Variants in PTK7 observed in about 807,000 individuals in gnomAD.
PTK7 encodes the protein inactive tyrosine-protein kinase 7.
A neutral mutation model predicts 116.6 loss-of-function variants in PTK7; 39 were observed. That is an observed-to-expected ratio of 0.33 (90% CI 0.26 to 0.44). The LOEUF (loss-of-function observed/expected upper bound fraction) is 0.44, where lower values mean the gene tolerates loss of function less well. Ranked by LOEUF, PTK7 falls within the 20% of genes least tolerant of loss-of-function variation. The pLI is 1.00. For synonymous variants in PTK7, 546 were observed against 563.6 expected, an observed-to-expected ratio of 0.97 and a Z score of 0.44; for missense variants, 1,169 against 1,425.6, an observed-to-expected ratio of 0.82 and a Z score of 2.90.
intron 1 of PTK7, among the ~76,000 whole-genome samples, chr6:43,090,516 A>G (rs1317259174): frequency 6.6e-6 from 1 of 152,180 alleles, no homozygotes; most frequent in Non-Finnish European, 1.5e-5. Context: ...GAGGGACCCC[A>G]GCAGGTTTGG....
chr6:43,094,572 C>T (rs1767135192), intron 1 of PTK7, among the ~76,000 whole-genome samples: 3 of 151,620 alleles, frequency 2.0e-5, no homozygotes, highest in Admixed American at 6.6e-5. Flanking sequence ...TCACGCCATT[C>T]TCCTGCCTCA....
chr6:43,122,381 C>A (rs572914094), intron 1 of PTK7, among the ~76,000 whole-genome samples: 1 of 152,138 alleles, frequency 6.6e-6, no homozygotes, highest in African/African-American at 2.4e-5. Flanking sequence ...CAGGGAGCCC[C>A]GGGGCTGCTC....
intron 1 of PTK7, among the ~76,000 whole-genome samples, chr6:43,121,804 CA>C (rs1273409662): frequency 6.6e-6 from 1 of 152,190 alleles, no homozygotes; most frequent in Non-Finnish European, 1.5e-5. Flanking sequence ...ACTGTTCACT[CA>C]AATGAGTTAT....
At chr6:43,120,780 G>A (rs1407975750) in intron 1 of PTK7, among the ~76,000 whole-genome samples, 1 of 152,138 alleles carries the variant, frequency 6.6e-6, no homozygotes, top group Non-Finnish European at 1.5e-5. Context: ...GGAGGAGGTG[G>A]CGATTGACCA....
Position 43,114,257 on chromosome 6 carries a change from T to A in PTK7, c.80-14720T>A, listed in dbSNP as rs140250714. 3.4e-3 allele frequency among the ~76,000 whole-genome samples: 522 copies of A among 152,318 alleles called. 3 individuals are homozygous for A. The highest frequency in any genetic ancestry group is 0.011 in the African/African-American group (473 of 41,562). On this transcript the variant is annotated intron_variant, in intron 1 of 19. Coordinates refer to ENST00000230419, the MANE Select transcript of PTK7 (RefSeq NM_002821.5). ...ATGATTCTATGTTACTTGATCTCTG[T>A]CTCTCAGTTTCTCTCTGTCTGTGTC...
At chr6:43,079,969 G>T (rs940689571) in intron 1 of PTK7, among the ~76,000 whole-genome samples, 1 of 150,302 alleles carries the variant, frequency 6.7e-6, no homozygotes, top group African/African-American at 2.5e-5. Flanking sequence ...ACTGAGGTGG[G>T]AGTATTGCCT....
intron 1 of PTK7, among the ~76,000 whole-genome samples, chr6:43,116,651 T>TGTGTGCGC (rs1323606377): frequency 5.2e-5 from 4 of 77,212 alleles, no homozygotes; most frequent in African/African-American, 1.9e-4. Context: ...TGTGTGTGTG[T>TGTGTGCGC]GCGCGCGCAC....
At chr6:43,134,225 G>A (rs986964051) in intron 7 of PTK7, among the ~76,000 whole-genome samples, 4 of 152,062 alleles carry the variant, frequency 2.6e-5, no homozygotes, top group African/African-American at 9.7e-5. Context: ...TTTTAGTAGA[G>A]GCGATGTTTT....
In PTK7 at chr6:43,144,509, C is replaced by T. The variant is rs768868636; in HGVS notation, c.2310C>T (p.Thr770=). 2.5e-6 allele frequency: 4 copies of T among 1,614,178 alleles called. No homozygotes were observed. The highest frequency in any genetic ancestry group is 3.4e-6 in the Non-Finnish European group (4 of 1,180,030). Residue 770 remains threonine, a synonymous_variant, in exon 15 of 20, where the codon ACC becomes ACT. Transcript: ENST00000230419. ...AGATCCAAGAAGAAGTGGCCTTGAC[C>T]AGCTTGGGCTCCGGCCCCGCGGCCA... ...SAEIQEEVAL[T]SLGSGPAATN...
At chr6:43,122,848 C>CT (rs1018647267) in intron 1 of PTK7, among the ~76,000 whole-genome samples, 2 of 152,106 alleles carry the variant, frequency 1.3e-5, no homozygotes, top group African/African-American at 4.8e-5. Context: ...CTTGAGTGGT[C>CT]TACCTGCCTT....
chr6:43,134,412 C>T (rs899392406), intron 7 of PTK7, among the ~76,000 whole-genome samples: 5 of 151,774 alleles, frequency 3.3e-5, no homozygotes, highest in Admixed American at 6.6e-5. Context: ...TTTGGGAGGC[C>T]GAGATAGGAA....
chr6:43,157,380 T>C (rs1273826373), intron 17 of PTK7, among the ~76,000 whole-genome samples: 9 of 101,570 alleles, frequency 8.9e-5, no homozygotes, highest in Admixed American at 2.0e-4. Context: ...TTTTTTCTTT[T>C]TTTTTTTTTT....
chr6:43,078,535 G>A (rs1766190574), intron 1 of PTK7, among the ~76,000 whole-genome samples: 1 of 151,708 alleles, frequency 6.6e-6, no homozygotes, highest in Non-Finnish European at 1.5e-5. Flanking sequence ...CAGGGGCAAC[G>A]GTTTTTTAAT....
At chr6:43,109,322 C>CATGG (rs1768065157) in intron 1 of PTK7, among the ~76,000 whole-genome samples, 1 of 152,134 alleles carries the variant, frequency 6.6e-6, no homozygotes, top group African/African-American at 2.4e-5. Flanking sequence ...ACTACAGGAG[C>CATGG]ATGGCATCAT....
chr6:43,142,293 G>A lies in PTK7; in HGVS notation c.2041G>A (p.Val681Ile), dbSNP rs1204164252. 3 of 1,614,074 alleles carry A rather than the reference G, an allele frequency of 1.9e-6. No homozygotes were observed. Among genetic ancestry groups the A allele is most frequent in the African/African-American group, 1.3e-5 (1 of 74,928 alleles). Residue 681 changes from valine to isoleucine, a missense_variant, in exon 13 of 20, where the codon GTC becomes ATC. Physicochemically the swap from Val to Ile is conservative, Grantham distance 29. Coordinates refer to ENST00000230419, the MANE Select transcript of PTK7 (RefSeq NM_002821.5). The stretch of plus-strand genomic sequence containing the variant: ...CAAGCACACGGAGGCCCCCCTCTAT[G>A]TCGTGGGTATGGGCTGGGGAGGGTT... ...NIKHTEAPLY[V>I]VDKPVPEESE...
At chr6:43,119,766 C>T (rs960593217) in intron 1 of PTK7, among the ~76,000 whole-genome samples, 2 of 152,180 alleles carry the variant, frequency 1.3e-5, no homozygotes, top group South Asian at 2.1e-4. Flanking sequence ...TCCTCACTGG[C>T]GTCTTCAGGA....
chr6:43,130,215 G>A lies in PTK7; in HGVS notation c.471-15G>A, dbSNP rs760050471. 2.2e-5 allele frequency: 34 copies of A among 1,556,522 alleles called. No individual in the cohort carries two copies. The East Asian group carries it at 5.9e-4, about 27-fold the overall frequency. ...GTACCCCTCCCCACCACTGCTGACT[G>A]TGTCTGCCCTGCAGGCCCACCTACC... On this transcript the variant is annotated splice_polypyrimidine_tract_variant and intron_variant, in intron 3 of 19. Transcript: ENST00000230419.
chr6:43,077,998 A>G (rs1384885148), intron 1 of PTK7, among the ~76,000 whole-genome samples: 2 of 152,188 alleles, frequency 1.3e-5, no homozygotes, highest in Non-Finnish European at 2.9e-5. Context: ...GTTTTTTTGC[A>G]CAGCCAGGAT....
chr6:43,077,714 C>A (rs1295685174), intron 1 of PTK7, among the ~76,000 whole-genome samples: 2 of 152,216 alleles, frequency 1.3e-5, no homozygotes, highest in Non-Finnish European at 2.9e-5. Flanking sequence ...CACCTTCCAT[C>A]TCCTTTGAAG....
Sources: gnomAD v4.1 joint callset for allele counts (sites outside exome capture counted in the v4.1 genomes callset) on GRCh38, gnomAD v4.1.1 for gene constraint, MANE v1.5 for transcripts, NCBI Gene and HGNC (gene_info 2026-07-23, HGNC 2026-07-21) for gene names.